MAGI3: variants seen among roughly 807,000 people sequenced by gnomAD.
The protein encoded by MAGI3 is membrane-associated guanylate kinase, WW and PDZ domain-containing protein 3.
In MAGI3, 43 loss-of-function variants were observed where a neutral mutation model predicts 121.8. The observed-to-expected ratio is 0.35, with a 90% CI of 0.28 to 0.46. The LOEUF (loss-of-function observed/expected upper bound fraction) is 0.46. Among genes scored for constraint, MAGI3 ranks in the 20% least tolerant of loss-of-function variants. The pLI is 1.00. For synonymous variants in MAGI3, 553 were observed against 639.3 expected (o/e 0.86, Z 2.04); for missense variants, 1,547 against 1,797.3 (o/e 0.86, Z 2.52).
intron 6 of MAGI3, among the ~76,000 whole-genome samples, chr1:113,609,137 A>G (rs1347482445): frequency 6.6e-6 from 1 of 152,042 alleles, no homozygotes; most frequent in African/African-American, 2.4e-5. Flanking sequence ...AGCCTTTTCC[A>G]CTTTCCTCTC....
At position 113,658,445 on chromosome 1, in the gene MAGI3, C is replaced by T. The variant is rs1653596771; in HGVS notation, c.2630-635C>T. Among the ~76,000 whole-genome samples, 1 of 152,200 alleles carries T rather than the reference C, an allele frequency of 6.6e-6. No individual in the cohort carries two copies. ...GTCTTAACAGTTAACATTTAATGTT[C>T]CAATTCCACTCAGCTTTTCAAATTT... On this transcript the variant is annotated intron_variant, in intron 15 of 20. Coordinates refer to ENST00000307546, the MANE Select transcript of MAGI3 (RefSeq NM_001142782.2). The surrounding 1 kb of genome is among the most constrained non-coding windows in gnomAD (Gnocchi z 4.0).
intron 1 of MAGI3, among the ~76,000 whole-genome samples, chr1:113,441,565 C>T (rs1275462633): frequency 6.6e-6 from 1 of 152,108 alleles, no homozygotes; most frequent in African/African-American, 2.4e-5. Context: ...TATATGATTC[C>T]TTTAGGGAAA....
Position 113,398,484 on chromosome 1 carries a change from C to T in MAGI3, c.316+7135C>T, listed in dbSNP as rs568334655. Among the ~76,000 whole-genome samples the T allele has an allele frequency of 9.2e-5, 14 of 152,222 alleles. No homozygotes were observed. The East Asian group carries it at 2.7e-3, about 29-fold the overall frequency. On this transcript the variant is annotated intron_variant, in intron 1 of 20. Transcript: ENST00000307546. ...CGGTAACCGATCTACTTAATTAAAA[C>T]TTTCTGGCATTTTAGCCTCTTTGCT...
At chr1:113,640,441 T>G (rs1406081831) in intron 9 of MAGI3, among the ~76,000 whole-genome samples, 1 of 152,224 alleles carries the variant, frequency 6.6e-6, no homozygotes, top group Non-Finnish European at 1.5e-5. Flanking sequence ...GTATGTTTAT[T>G]GCAGCACTAT....
intron 6 of MAGI3, among the ~76,000 whole-genome samples, chr1:113,612,002 G>A (rs1017819485): frequency 1.0e-4 from 15 of 150,638 alleles, no homozygotes; most frequent in Non-Finnish European, 2.1e-4. Flanking sequence ...GGAATGCAGT[G>A]GCACGATCTT....
chr1:113,629,191 G>A (rs371835804), intron 9 of MAGI3, among the ~76,000 whole-genome samples: 4 of 151,686 alleles, frequency 2.6e-5, no homozygotes, highest in Admixed American at 6.6e-5. Flanking sequence ...CTACTTGATC[G>A]ATTCTGCTGT....
At chr1:113,458,658 AGT>A (rs1420701839) in intron 1 of MAGI3, among the ~76,000 whole-genome samples, 1 of 151,932 alleles carries the variant, frequency 6.6e-6, no homozygotes, top group African/African-American at 2.4e-5. Flanking sequence ...GGACTACAAG[AGT>A]GTGCCACTGC....
intron 1 of MAGI3, among the ~76,000 whole-genome samples, chr1:113,423,889 CG>C (rs1162903171): frequency 9.1e-6 from 1 of 109,466 alleles, no homozygotes; most frequent in Non-Finnish European, 1.8e-5. Flanking sequence ...ACTGAGGTGG[CG>C]GGTGGGGTGG....
chr1:113,678,762 G>T (rs1484856718), intron 19 of MAGI3, among the ~76,000 whole-genome samples: 1 of 152,132 alleles, frequency 6.6e-6, no homozygotes, highest in Non-Finnish European at 1.5e-5. Context: ...TGAAAAAAAT[G>T]AGACCACAAC....
Position 113,619,846 on chromosome 1 carries a change from A to C in MAGI3, c.1171+16A>C, listed in dbSNP as rs1432423436. On this transcript the variant is annotated intron_variant, in intron 8 of 20. Transcript: ENST00000307546. ...TCAAAACCAGGTAAGCATTCTTTTCAATCTTTTCTTCTAAGAATAACTTGT... is the reference window on the plus strand; with the variant it reads ...TCAAAACCAGGTAAGCATTCTTTTCCATCTTTTCTTCTAAGAATAACTTGT... The C allele has an allele frequency of 2.6e-6, 4 of 1,551,844 alleles. No individual in the cohort carries two copies. The highest frequency in any genetic ancestry group is 3.5e-6 in the Non-Finnish European group (4 of 1,127,270).
chr1:113,650,094 G>A (rs560018598), intron 13 of MAGI3, among the ~76,000 whole-genome samples: 5 of 152,004 alleles, frequency 3.3e-5, no homozygotes, highest in African/African-American at 1.2e-4. Context: ...GTTAGGTGAA[G>A]AACAATAATC....
At chr1:113,510,570 T>C (rs1431682782) in intron 1 of MAGI3, among the ~76,000 whole-genome samples, 1 of 152,240 alleles carries the variant, frequency 6.6e-6, no homozygotes. Context: ...TAAGTTTTTC[T>C]CTACTTAGAC....
Position 113,590,471 on chromosome 1 carries a change from T to C in MAGI3, c.764-13T>C, listed in dbSNP as rs770088771. On this transcript the variant is annotated splice_polypyrimidine_tract_variant and intron_variant, in intron 4 of 20. Coordinates refer to ENST00000307546, the MANE Select transcript of MAGI3 (RefSeq NM_001142782.2). ...ACCCACTTTTCACACCTTTCTGTTTTGAACAATGGCAGAAAACAGAGAGAG... is the reference window on the plus strand; with the variant it reads ...ACCCACTTTTCACACCTTTCTGTTTCGAACAATGGCAGAAAACAGAGAGAG... 3.7e-6 allele frequency: 6 copies of C among 1,613,142 alleles called. No individual in the cohort carries two copies. Among genetic ancestry groups the C allele is most frequent in the Non-Finnish European group, 5.1e-6 (6 of 1,179,440 alleles).
chr1:113,563,234 T>A (rs1398721202), intron 2 of MAGI3, among the ~76,000 whole-genome samples: 1 of 152,112 alleles, frequency 6.6e-6, no homozygotes, highest in African/African-American at 2.4e-5. Flanking sequence ...TGCAGAAAAG[T>A]TATTTGGCAA....
At chr1:113,671,610 A>G (rs1647554480) in intron 16 of MAGI3, 124 bp from the exon 17 acceptor site, 1 of 798,134 alleles carries the variant, frequency 1.3e-6, no homozygotes, top group Non-Finnish European at 2.1e-6. Context: ...AGTGCTGTTC[A>G]TGCTAAAGCC....
chr1:113,466,477 G>A (rs1655291438), intron 1 of MAGI3, among the ~76,000 whole-genome samples: 1 of 152,022 alleles, frequency 6.6e-6, no homozygotes, highest in South Asian at 2.1e-4. Context: ...TCTGTTTTTG[G>A]TATCAGGGTA....
chr1:113,453,240 A>G (rs916767381), intron 1 of MAGI3, among the ~76,000 whole-genome samples: 1 of 152,192 alleles, frequency 6.6e-6, no homozygotes, highest in Non-Finnish European at 1.5e-5. Flanking sequence ...AACTTAAAGC[A>G]TATACTGACT....
At chr1:113,462,897 T>A (rs980693124) in intron 1 of MAGI3, among the ~76,000 whole-genome samples, 5 of 152,028 alleles carry the variant, frequency 3.3e-5, no homozygotes, top group Admixed American at 2.0e-4. Context: ...ACCGAAAGAT[T>A]TAAGGTATAG....
At chr1:113,434,622 T>C (rs1438651222) in intron 1 of MAGI3, among the ~76,000 whole-genome samples, 1 of 152,254 alleles carries the variant, frequency 6.6e-6, no homozygotes, top group Non-Finnish European at 1.5e-5. Context: ...TGCCTCTCTA[T>C]GTTTTATAAC....
Sources: allele counts gnomAD v4.1 joint callset (sites outside exome capture counted in the v4.1 genomes callset), GRCh38; gene constraint gnomAD v4.1.1; non-coding constraint Gnocchi (gnomAD v3.1); transcripts MANE v1.5; gene names NCBI Gene and HGNC (gene_info 2026-07-23, HGNC 2026-07-21).